USP30: variants seen among roughly 807,000 people sequenced by gnomAD.
USP30 encodes the protein ubiquitin carboxyl-terminal hydrolase 30.
A neutral mutation model predicts 68.2 loss-of-function variants in USP30; 41 were observed. That is an observed-to-expected ratio of 0.60 (90% CI 0.47 to 0.78). The LOEUF (loss-of-function observed/expected upper bound fraction) is 0.78. Ranked by LOEUF, USP30 falls within the 30% of genes least tolerant of loss-of-function variation. The pLI, the probability that USP30 is intolerant of heterozygous loss-of-function variation, is 0.00. For synonymous variants in USP30, 229 were observed against 253.7 expected, an observed-to-expected ratio of 0.90 and a Z score of 0.93; for missense variants, 522 against 649.4, an observed-to-expected ratio of 0.80 and a Z score of 2.13.
At chr12:109,083,811 T>C (rs980909257) in intron 11 of USP30, among the ~76,000 whole-genome samples, 1 of 152,086 alleles carries the variant, frequency 6.6e-6, no homozygotes, top group Admixed American at 6.5e-5. Flanking sequence ...CTTTCCTATT[T>C]AGGGTCCCTT....
rs1454743509 is a variant in USP30, at chr12:109,086,228, C to G, written c.*297C>G. ...AAAAGAACTCAGATTCTTGAAGCCA[C>G]CGTTTTCATATTGTAATGTTAGGTG... On this transcript the variant is annotated 3_prime_UTR_variant, in exon 13 of 13. Coordinates refer to ENST00000257548, the MANE Select transcript of USP30 (RefSeq NM_032663.5). The G allele has an allele frequency of 3.4e-6, 1 of 294,612 alleles. No homozygotes were observed. The highest frequency in any genetic ancestry group is 6.2e-5 in the East Asian group (1 of 16,108). 18.2% of individuals were successfully genotyped at this position (294,612 alleles called of 1,614,324 possible). A position where few individuals can be genotyped will look rare whatever the true frequency, so the allele number is the denominator to read the frequency against.
At chr12:109,055,191 C>G (rs115332242) in intron 1 of USP30, among the ~76,000 whole-genome samples, 1 of 151,064 alleles carries the variant, frequency 6.6e-6, no homozygotes, top group Non-Finnish European at 1.5e-5. Context: ...AAAGCATAAC[C>G]AGCGTTCAAG....
chr12:109,073,655 C>A, intron 7 of USP30, 123 bp downstream of exon 7: 1 of 785,994 alleles, frequency 1.3e-6, no homozygotes, highest in Non-Finnish European at 2.1e-6. Flanking sequence ...GGCCTCTGCA[C>A]ACTAGTGGAC....
upstream of USP30, among the ~76,000 whole-genome samples, chr12:109,049,730 G>A (rs1309000032): frequency 6.6e-6 from 1 of 152,026 alleles, no homozygotes; most frequent in African/African-American, 2.4e-5. Flanking sequence ...CACGAAAATC[G>A]CTTGAACCCC....
At chr12:109,046,850 T>C (rs1188882401) in intron 3 of USP30, among the ~76,000 whole-genome samples, 3 of 152,070 alleles carry the variant, frequency 2.0e-5, no homozygotes, top group Non-Finnish European at 4.4e-5. Context: ...GTGTGCGCCA[T>C]CATGCCCAGC....
intron 3 of USP30, among the ~76,000 whole-genome samples, chr12:109,065,576 T>C (rs191443928): frequency 1.3e-4 from 20 of 152,308 alleles, no homozygotes; most frequent in Non-Finnish European, 2.4e-4. Context: ...AACAGAATTA[T>C]AACATTTTCC....
At chr12:109,035,371 T>TTTTAG (rs1359678162) in intron 3 of USP30, among the ~76,000 whole-genome samples, 1 of 139,070 alleles carries the variant, frequency 7.2e-6, no homozygotes, top group Non-Finnish European at 1.6e-5. Context: ...TTTTATTTTA[T>TTTTAG]TTATTTATTT....
upstream of USP30, among the ~76,000 whole-genome samples, chr12:109,048,745 A>T (rs556275173): frequency 6.6e-6 from 1 of 151,942 alleles, no homozygotes; most frequent in South Asian, 2.1e-4. Context: ...GTCTCAAAAA[A>T]AAAAAAAACA....
At chr12:109,047,344 T>C (rs1275861954) in intron 3 of USP30, among the ~76,000 whole-genome samples, 3 of 152,146 alleles carry the variant, frequency 2.0e-5, no homozygotes, top group South Asian at 4.1e-4. Context: ...ATTGAGACCA[T>C]GGTCAGCGGA....
At chr12:109,081,623 G>A (rs971861356) in intron 8 of USP30, 200 of 500,568 alleles carry the variant, frequency 4.0e-4, no homozygotes, top group Non-Finnish European at 5.5e-4. Context: ...ACGCATGCGC[G>A]CACACACACA....
intron 4 of USP30, among the ~76,000 whole-genome samples, chr12:109,069,046 G>C (rs993061704): frequency 6.6e-6 from 1 of 152,206 alleles, no homozygotes; most frequent in African/African-American, 2.4e-5. Context: ...AGGAATTACT[G>C]TTGTCCCCAT....
intron 7 of USP30, among the ~76,000 whole-genome samples, chr12:109,076,857 G>A (rs947788682): frequency 1.9e-4 from 29 of 148,876 alleles, no homozygotes; most frequent in Non-Finnish European, 5.9e-5. Context: ...TCAGCCTCCC[G>A]AGTAGCTGGG....
intron 3 of USP30, among the ~76,000 whole-genome samples, chr12:109,062,484 T>C (rs1027634522): frequency 8.6e-5 from 13 of 151,964 alleles, no homozygotes; most frequent in African/African-American, 2.4e-5. Context: ...ATAGGCGCCA[T>C]GCCTGGCTAA....
intron 1 of USP30, chr12:109,054,163 C>G (rs2040765797): frequency 2.4e-6 from 1 of 417,846 alleles, no homozygotes; most frequent in African/African-American, 2.1e-5. Context: ...TATAATCTTT[C>G]CAGGCACTTT....
rs1179763478 is a variant in USP30, at chr12:109,058,083, C to T, written c.351C>T (p.Ser117=). The T allele has an allele frequency of 6.2e-7, 1 of 1,613,196 alleles. No homozygotes were observed. Among genetic ancestry groups the T allele is most frequent in the Non-Finnish European group, 8.5e-7 (1 of 1,179,686 alleles). ...QKEPPSHQYL[S]LTLLHLLKAL... ...AGCCCCCCTCACACCAGTATTTATC[C>T]TTAACACTCTTGCACCTTCTGAAAG... The change falls in exon 3 of 13, where the codon TCC becomes TCT. Residue 117 remains serine (S), a synonymous_variant. Transcript: ENST00000257548.
Position 109,085,571 on chromosome 12 carries a change from A to C in USP30, c.1290-96A>C, listed in dbSNP as rs982799737. ...TTTGGTGGTATGGACTTACCATTGT[A>C]TTCATCCCCTATTTAACATTAGCAT... On this transcript the variant is annotated intron_variant, in intron 12 of 12. Transcript: ENST00000257548. 23 of 1,448,218 alleles carry C rather than the reference A, an allele frequency of 1.6e-5. No individual in the cohort carries two copies. In the African/African-American group the frequency reaches 2.0e-4, roughly 12 times the overall value. The allele number at this position is 1,448,218 out of a possible 1,614,324, so 89.7% of individuals were successfully genotyped here.
intron 3 of USP30, among the ~76,000 whole-genome samples, chr12:109,035,346 A>AT (rs578062494): frequency 3.3e-5 from 5 of 150,686 alleles, no homozygotes; most frequent in African/African-American, 7.3e-5. Flanking sequence ...CAATTTGTTT[A>AT]TTTATTTTAT....
intron 7 of USP30, among the ~76,000 whole-genome samples, chr12:109,076,732 C>CTTTTTTTTT (rs71079520): frequency 8.0e-6 from 1 of 124,738 alleles, no homozygotes; most frequent in Non-Finnish European, 1.6e-5. Flanking sequence ...TTGATTTTTT[C>CTTTTTTTTT]TTTTTTTTTT....
At position 109,085,199 on chromosome 12, in the gene USP30, C is replaced by T. The variant is rs191895354; in HGVS notation, c.1289+126C>T. Reference sequence around the variant, plus strand: ...TTTTTCATTTTAAGGTGAAGTTTCACGATTACACATTCCTATTTATTTTTG... The same window carrying T: ...TTTTTCATTTTAAGGTGAAGTTTCATGATTACACATTCCTATTTATTTTTG... On this transcript the variant is annotated intron_variant, in intron 12 of 12. Transcript: ENST00000257548. 2.2e-4 allele frequency: 232 copies of T among 1,059,052 alleles called. No homozygotes were observed. The African/African-American group carries it at 3.3e-3, about 15-fold the overall frequency. The allele number at this position is 1,059,052 out of a possible 1,614,324, so 65.6% of individuals were successfully genotyped here. A position where few individuals can be genotyped will look rare whatever the true frequency, so the allele number is the denominator to read the frequency against.
Sources: gnomAD v4.1 joint callset for allele counts (sites outside exome capture counted in the v4.1 genomes callset) on GRCh38, gnomAD v4.1.1 for gene constraint, MANE v1.5 for transcripts, NCBI Gene and HGNC (gene_info 2026-07-23, HGNC 2026-07-21) for gene names.